The following OTOP2 variants were observed in gnomAD, a reference collection of about 807,000 sequenced individuals.
OTOP2 encodes the protein proton channel OTOP2.
Under a neutral mutation model 47.4 loss-of-function variants are expected in OTOP2, and 41 were observed. That is an observed-to-expected ratio of 0.87 (90% CI 0.67 to 1.12). The LOEUF (loss-of-function observed/expected upper bound fraction) is 1.12, where lower values mean the gene tolerates loss of function less well. OTOP2 is among the 50% of genes most tolerant of loss of function. The pLI is 0.00. For missense variants in OTOP2, 721 were observed against 752.2 expected (o/e 0.96, Z 0.49); for synonymous variants, 328 against 319.6 (o/e 1.03, Z -0.28).
At position 74,933,421 on chromosome 17, in the gene OTOP2, C is replaced by G. The variant is rs35589289; in HGVS notation, c.1565C>G (p.Thr522Arg). The change falls in exon 7 of 7, where the codon ACA becomes AGA. Residue 522 changes from threonine (T) to arginine (R), a missense_variant. Thr to Arg is a moderately conservative substitution (Grantham distance 71, BLOSUM62 -1). Coordinates refer to ENST00000331427, the MANE Select transcript of OTOP2 (RefSeq NM_178160.3). This position sits in a 1 kb window ranked among gnomAD's most constrained non-coding sequence, Gnocchi z 4.7. ...GGGGCCCGCCCTCATTTCAGCAACA[C>G]AGTGGAGGTGGATTTCTACGGCTAC... is the stretch of plus-strand genomic sequence containing the variant. ...AFGARPHFSNTVEVDFYGYSL... is the reference protein window; with the variant it reads ...AFGARPHFSNRVEVDFYGYSL... The G allele has an allele frequency of 3.0e-3, 4,850 of 1,614,060 alleles. 124 individuals are homozygous for G. In the African/African-American group the frequency reaches 0.054, roughly 18 times the overall value.
Position 74,933,608 on chromosome 17 carries a change from C to A in OTOP2, c.*63C>A. On this transcript the variant is annotated 3_prime_UTR_variant, in exon 7 of 7. Coordinates refer to ENST00000331427, the MANE Select transcript of OTOP2 (RefSeq NM_178160.3). The surrounding 1 kb of genome is among the most constrained non-coding windows in gnomAD (Gnocchi z 4.7). ...CTCAGCTCATGTGCCCACTCAGACA[C>A]CCTCTGGGAATGAATCCCAGCTGGT... is the stretch of plus-strand genomic sequence containing the variant. The A allele has an allele frequency of 6.7e-7, 1 of 1,490,828 alleles. No individual in the cohort carries two copies. Among genetic ancestry groups the A allele is most frequent in the Non-Finnish European group, 9.1e-7 (1 of 1,103,030 alleles). The allele number at this position is 1,490,828 out of a possible 1,614,324, so 92.3% of individuals were successfully genotyped here. A position where few individuals can be genotyped will look rare whatever the true frequency, so the allele number is the denominator to read the frequency against.
rs144737267 is a variant in OTOP2, at chr17:74,933,775, G to A, written c.*230G>A. 81 of 461,484 alleles carry A rather than the reference G, an allele frequency of 1.8e-4. No homozygotes were observed. The East Asian group carries it at 2.6e-3, about 15-fold the overall frequency. The allele number at this position is 461,484 out of a possible 1,614,324, so 28.6% of individuals were successfully genotyped here. Reference sequence around the variant, plus strand: ...TGGGGCATGAGGTGACTGGGGAAGGGAGACCTCTCCTGGCAGCATTTCTAG... The same window carrying A: ...TGGGGCATGAGGTGACTGGGGAAGGAAGACCTCTCCTGGCAGCATTTCTAG... On this transcript the variant is annotated 3_prime_UTR_variant, in exon 7 of 7. Coordinates refer to ENST00000331427, the MANE Select transcript of OTOP2 (RefSeq NM_178160.3). This position sits in a 1 kb window ranked among gnomAD's most constrained non-coding sequence, Gnocchi z 4.7.
chr17:74,929,273 A>G (rs1379424068), intron 5 of OTOP2, among the ~76,000 whole-genome samples: 1 of 152,040 alleles, frequency 6.6e-6, no homozygotes, highest in African/African-American at 2.4e-5. Context: ...GCTGAATCAG[A>G]TGGTAGGGAG....
rs1045911302 is a variant in OTOP2, at chr17:74,930,318, G to A, written c.683G>A (p.Cys228Tyr). 1 of 1,613,940 alleles carries A rather than the reference G, an allele frequency of 6.2e-7. No homozygotes were observed. Among genetic ancestry groups the A allele is most frequent in the Admixed American group, 1.7e-5 (1 of 60,008 alleles). The change falls in exon 6 of 7, where the codon TGC (cysteine) becomes TAC (tyrosine). Residue 228 changes from cysteine to tyrosine, a missense_variant. By Grantham distance (194) the Cys-to-Tyr change is radical. Transcript: ENST00000331427. This position sits in a 1 kb window ranked among gnomAD's most constrained non-coding sequence, Gnocchi z 4.0. ...CCGGTCGGAGGAGACTCCTGCCTCT[G>A]CAGCACGGCCGTCTGCCAGATCTTC... The part of the protein sequence containing the change: ...DNPVGGDSCL[C>Y]STAVCQIFQQ...
In OTOP2 at chr17:74,930,494, G is replaced by A. The variant is rs1342273019; in HGVS notation, c.859G>A (p.Glu287Lys). ...HTPTPVSLFRETFFAGPVLGL... is the reference protein window; with the variant it reads ...HTPTPVSLFRKTFFAGPVLGL... ...CCCAACCCCTGTCAGCCTCTTCCGG[G>A]AGACCTTTTTTGCTGGCCCGGTTCT... is the stretch of plus-strand genomic sequence containing the variant. Residue 287 changes from glutamate to lysine, a missense_variant, in exon 6 of 7, where the codon GAG becomes AAG. Coordinates refer to ENST00000331427, the MANE Select transcript of OTOP2 (RefSeq NM_178160.3). This position sits in a 1 kb window ranked among gnomAD's most constrained non-coding sequence, Gnocchi z 4.0. 3 of 1,613,182 alleles carry A rather than the reference G, an allele frequency of 1.9e-6. No individual in the cohort carries two copies. The East Asian group carries it at 6.7e-5, about 36-fold the overall frequency.
rs2039074348 is a variant in OTOP2 at position 74,933,143 on chromosome 17, G to A, written c.1519-232G>A. Reference sequence around the variant, plus strand: ...GAGAGGTGATCACAGGTGTCCATGAGGTGGGCTAGCCTAGGGATGGCGAAT... The same window carrying A: ...GAGAGGTGATCACAGGTGTCCATGAAGTGGGCTAGCCTAGGGATGGCGAAT... On this transcript the variant is annotated intron_variant, in intron 6 of 6. Transcript: ENST00000331427. This position sits in a 1 kb window ranked among gnomAD's most constrained non-coding sequence, Gnocchi z 4.7. 6.6e-6 allele frequency among the ~76,000 whole-genome samples: 1 copy of A among 152,188 alleles called. No individual in the cohort carries two copies. Among genetic ancestry groups the A allele is most frequent in the African/African-American group, 2.4e-5 (1 of 41,442 alleles).
At chr17:74,927,984 C>A in intron 5 of OTOP2, 186 bp downstream of exon 5, 1 of 772,092 alleles carries the variant, frequency 1.3e-6, no homozygotes, top group Non-Finnish European at 2.0e-6. Context: ...AGGGAAGTAT[C>A]AGGGGTACCC....
At chr17:74,931,677 G>A (rs772973642) in intron 6 of OTOP2, among the ~76,000 whole-genome samples, 3 of 151,862 alleles carry the variant, frequency 2.0e-5, no homozygotes, top group Non-Finnish European at 2.9e-5. Context: ...AGACTTGGCC[G>A]GGTGCAGTGG....
chr17:74,925,494 G>T, intron 2 of OTOP2, 62 bp from the exon 3 acceptor site: 1 of 1,589,482 alleles, frequency 6.3e-7, no homozygotes, highest in East Asian at 2.2e-5. Context: ...TCCTCAGCTC[G>T]GCAGGCCTTC....
At position 74,930,985 on chromosome 17, in the gene OTOP2, C is replaced by G. The variant is rs747074225; in HGVS notation, c.1350C>G (p.Asn450Lys). 2.5e-6 allele frequency: 4 copies of G among 1,614,088 alleles called. No homozygotes were observed. In the African/African-American group the frequency reaches 4.0e-5, roughly 16 times the overall value. Residue 450 changes from asparagine to lysine, a missense_variant, in exon 6 of 7, where the codon AAC becomes AAG. By Grantham distance (94) the Asn-to-Lys change is moderately conservative. Coordinates refer to ENST00000331427, the MANE Select transcript of OTOP2 (RefSeq NM_178160.3). This position sits in a 1 kb window ranked among gnomAD's most constrained non-coding sequence, Gnocchi z 4.0. The part of the protein sequence containing the change: ...KEPCQDLTFT[N>K]LDALHTLSAC... ...CCTGCCAAGACCTCACCTTCACCAA[C>G]CTGGATGCCCTCCACACGTTGTCCG...
rs772135599 is a variant in OTOP2, at chr17:74,933,578, G to A, written c.*33G>A. The A allele has an allele frequency of 6.5e-7, 1 of 1,549,616 alleles. No individual in the cohort carries two copies. Among genetic ancestry groups the A allele is most frequent in the Non-Finnish European group, 8.8e-7 (1 of 1,136,342 alleles). Reference sequence around the variant, plus strand: ...AACAGAGGCATGGGGGGCAGGAAGAGGGGGCTCAGCTCATGTGCCCACTCA... The same window carrying A: ...AACAGAGGCATGGGGGGCAGGAAGAAGGGGCTCAGCTCATGTGCCCACTCA... On this transcript the variant is annotated 3_prime_UTR_variant, in exon 7 of 7. Transcript: ENST00000331427. The surrounding 1 kb of genome is among the most constrained non-coding windows in gnomAD (Gnocchi z 4.7).
rs1193560522 is a variant in OTOP2 at position 74,924,307 on chromosome 17, C to T, written c.-60C>T. ...ACGCTCGCCGTCCCCTGACCCCCAG[C>T]TCAGCGCCGGCTCCAAGCCCAGCCA... On this transcript the variant is annotated 5_prime_UTR_variant, in exon 1 of 7. Transcript: ENST00000331427. The surrounding 1 kb of genome is among the most constrained non-coding windows in gnomAD (Gnocchi z 7.7). The T allele has an allele frequency of 5.6e-6, 2 of 359,540 alleles. No homozygotes were observed. Among genetic ancestry groups the T allele is most frequent in the Admixed American group, 8.9e-5 (2 of 22,430 alleles). 22.3% of individuals were successfully genotyped at this position (359,540 alleles called of 1,614,324 possible). A position where few individuals can be genotyped will look rare whatever the true frequency, so the allele number is the denominator to read the frequency against.
chr17:74,927,494 T>G, intron 4 of OTOP2, 171 bp from the exon 5 acceptor site: 1 of 1,087,124 alleles, frequency 9.2e-7, no homozygotes, highest in Non-Finnish European at 1.3e-6. Flanking sequence ...GAAAACCTCC[T>G]AGCCCTCTCT....
rs776298653 is a variant in OTOP2 at position 74,933,406 on chromosome 17, C to G, written c.1550C>G (p.Pro517Arg). 1 of 1,613,148 alleles carries G rather than the reference C, an allele frequency of 6.2e-7. No individual in the cohort carries two copies. Residue 517 changes from proline (P) to arginine (R), a missense_variant, in exon 7 of 7, where the codon CCT becomes CGT. Coordinates refer to ENST00000331427, the MANE Select transcript of OTOP2 (RefSeq NM_178160.3). The surrounding 1 kb of genome is among the most constrained non-coding windows in gnomAD (Gnocchi z 4.7). ...ATCATGCCTGCCTTCGGGGCCCGCC[C>G]TCATTTCAGCAACACAGTGGAGGTG... ...LWIMPAFGAR[P>R]HFSNTVEVDF...
At position 74,930,401 on chromosome 17, in the gene OTOP2, A is replaced by C. The variant is rs763608683; in HGVS notation, c.766A>C (p.Thr256Pro). The part of the protein sequence containing the change: ...FNIEYSLFAS[T>P]MLYVMWKNVG... The stretch of plus-strand genomic sequence containing the variant: ...CATCGAGTACAGCCTCTTCGCCTCC[A>C]CCATGCTGTATGTCATGTGGAAGAA... Residue 256 changes from threonine to proline, a missense_variant, in exon 6 of 7, where the codon ACC becomes CCC. Physicochemically the swap from Thr to Pro is conservative, Grantham distance 38. Coordinates refer to ENST00000331427, the MANE Select transcript of OTOP2 (RefSeq NM_178160.3). This position sits in a 1 kb window ranked among gnomAD's most constrained non-coding sequence, Gnocchi z 4.0. 3.7e-6 allele frequency: 6 copies of C among 1,614,054 alleles called. No individual in the cohort carries two copies. The highest frequency in any genetic ancestry group is 5.1e-6 in the Non-Finnish European group (6 of 1,180,008).
Position 74,924,890 on chromosome 17 carries a change from C to G in OTOP2, c.258C>G (p.Arg86=). 6.3e-7 allele frequency: 1 copy of G among 1,597,484 alleles called. No individual in the cohort carries two copies. The highest frequency in any genetic ancestry group is 8.5e-7 in the Non-Finnish European group (1 of 1,172,926). Residue 86 remains arginine, a synonymous_variant, in exon 2 of 7, where the codon CGC becomes CGG. Transcript: ENST00000331427. The surrounding 1 kb of genome is among the most constrained non-coding windows in gnomAD (Gnocchi z 7.7). ...TCTTCTACCTCCTCCGAACCGTGCG[C>G]TGCCCCTGCGCGGTACCCTACCGGG... is the stretch of plus-strand genomic sequence containing the variant. ...WILFYLLRTV[R]CPCAVPYRDA...
rs769795510 is a variant in OTOP2, at chr17:74,924,731, G to C, written c.99G>C (p.Val33=). 6.2e-7 allele frequency: 1 copy of C among 1,607,606 alleles called. No homozygotes were observed. The highest frequency in any genetic ancestry group is 1.1e-5 in the South Asian group (1 of 90,216). ...AGAAGGGTGGCCGCCTGCTGTCGGT[G>C]CTGCTGGCGGTGAACGTGCTGCTCC... ...VWKKGGRLLS[V]LLAVNVLLLA... is the part of the protein sequence containing the mutation. Residue 33 remains valine, a synonymous_variant, in exon 2 of 7, where the codon GTG becomes GTC. Coordinates refer to ENST00000331427, the MANE Select transcript of OTOP2 (RefSeq NM_178160.3). This position sits in a 1 kb window ranked among gnomAD's most constrained non-coding sequence, Gnocchi z 7.7.
rs2039042077 is a variant in OTOP2, at chr17:74,930,225, AC to A, written c.644-52del. ...AAAAAGGTCACAGGCTAGGGGTGAG[AC>A]CTCTCTAGGAAGGCAGGAGGGCTGT... is the stretch of plus-strand genomic sequence containing the variant. On this transcript the variant is annotated intron_variant, in intron 5 of 6. Coordinates refer to ENST00000331427, the MANE Select transcript of OTOP2 (RefSeq NM_178160.3). The surrounding 1 kb of genome is among the most constrained non-coding windows in gnomAD (Gnocchi z 4.0). The A allele has an allele frequency of 6.5e-7, 1 of 1,550,026 alleles. No homozygotes were observed. Among genetic ancestry groups the A allele is most frequent in the South Asian group, 1.2e-5 (1 of 82,938 alleles).
chr17:74,927,845 C>A (rs1040345904), intron 5 of OTOP2, 47 bp downstream of exon 5: 1 of 1,596,628 alleles, frequency 6.3e-7, no homozygotes, highest in Non-Finnish European at 8.5e-7. Flanking sequence ...GGCCTTGGGC[C>A]GGGTGCTTTG....
Sources: gnomAD v4.1 joint callset for allele counts (sites outside exome capture counted in the v4.1 genomes callset) on GRCh38, gnomAD v4.1.1 for gene constraint, Gnocchi (gnomAD v3.1) non-coding constraint, MANE v1.5 for transcripts, NCBI Gene and HGNC (gene_info 2026-07-23, HGNC 2026-07-21) for gene names.